Variants in CAMK4 observed in about 807,000 individuals in gnomAD.
The protein encoded by CAMK4 is calcium/calmodulin-dependent protein kinase type IV.
CAMK4 carries 22 observed loss-of-function variants against 44.9 expected under a neutral mutation model. The ratio of observed to expected loss-of-function variants is 0.49; its 90% CI spans 0.35 to 0.70. CAMK4 has a LOEUF of 0.70. CAMK4 is among the 30% of genes least tolerant of loss of function. The probability of loss-of-function intolerance (pLI) is 0.01; values close to 1 mark genes in which losing one functional copy is unlikely to be tolerated. For missense variants in CAMK4, 498 were observed against 586.8 expected, an observed-to-expected ratio of 0.85 and a Z score of 1.56; for synonymous variants, 218 against 215.4, an observed-to-expected ratio of 1.01 and a Z score of -0.11.
At chr5:111,417,502 C>G (rs996667560) in intron 5 of CAMK4, among the ~76,000 whole-genome samples, 1 of 151,830 alleles carries the variant, frequency 6.6e-6, no homozygotes, top group African/African-American at 2.4e-5. Flanking sequence ...AGGCATGAGT[C>G]ACTGTGTCTG....
rs1035187786 is a variant in CAMK4 at position 111,489,357 on chromosome 5, T to G, written c.*4891T>G. 2 of 152,174 alleles carry G rather than the reference T, an allele frequency of 1.3e-5. No homozygotes were observed. The highest frequency in any genetic ancestry group is 1.3e-4 in the Admixed American group (2 of 15,274). 9.4% of individuals were successfully genotyped at this position (152,174 alleles called of 1,614,324 possible). A position where few individuals can be genotyped will look rare whatever the true frequency, so the allele number is the denominator to read the frequency against. On this transcript the variant is annotated 3_prime_UTR_variant, in exon 11 of 11. Coordinates refer to ENST00000282356, the MANE Select transcript of CAMK4 (RefSeq NM_001744.6). ...TTTGACCAATATATTAAGAGCAAAT[T>G]TTGTCATTATTACTCCTTGTGGCTA...
intron 2 of CAMK4, among the ~76,000 whole-genome samples, chr5:111,347,202 T>C (rs1749907431): frequency 6.6e-6 from 1 of 151,996 alleles, no homozygotes. Context: ...CCTTTGGGCA[T>C]GACTCTACAG....
At chr5:111,464,663 T>C (rs1420939520) in intron 7 of CAMK4, among the ~76,000 whole-genome samples, 1 of 152,214 alleles carries the variant, frequency 6.6e-6, no homozygotes, top group Non-Finnish European at 1.5e-5. Flanking sequence ...TAAAAGACTG[T>C]ATCTAAACTC....
intron 1 of CAMK4, among the ~76,000 whole-genome samples, chr5:111,272,226 T>C (rs1186279259): frequency 1.3e-5 from 2 of 152,044 alleles, no homozygotes; most frequent in African/African-American, 4.8e-5. Context: ...ATTTCTCGGG[T>C]TTAATTCTGC....
chr5:111,271,389 A>G (rs997038006), intron 1 of CAMK4, among the ~76,000 whole-genome samples: 8 of 152,196 alleles, frequency 5.3e-5, no homozygotes, highest in African/African-American at 1.7e-4. Context: ...TGTGAGAGTA[A>G]ATCACTTGAT....
At chr5:111,374,547 G>A (rs920139285) in intron 2 of CAMK4, among the ~76,000 whole-genome samples, 1 of 152,106 alleles carries the variant, frequency 6.6e-6, no homozygotes, top group East Asian at 1.9e-4. Flanking sequence ...AAGAAGGATA[G>A]GTTGAAATGA....
At chr5:111,424,810 C>G (rs574558731) in intron 5 of CAMK4, among the ~76,000 whole-genome samples, 3 of 152,102 alleles carry the variant, frequency 2.0e-5, no homozygotes, top group African/African-American at 4.8e-5. Flanking sequence ...AGGCACAACT[C>G]TTCCAGGTGT....
intron 4 of CAMK4, among the ~76,000 whole-genome samples, chr5:111,389,875 A>T (rs1284168693): frequency 6.6e-6 from 1 of 151,652 alleles, no homozygotes; most frequent in Non-Finnish European, 1.5e-5. Context: ...TTTGTGCTGG[A>T]TGATAGAGAT....
intron 1 of CAMK4, among the ~76,000 whole-genome samples, chr5:111,311,011 A>C (rs767884994): frequency 6.6e-6 from 1 of 152,166 alleles, no homozygotes; most frequent in Non-Finnish European, 1.5e-5. Context: ...ATAAAAATTC[A>C]AAATAAAATA....
intron 7 of CAMK4, among the ~76,000 whole-genome samples, chr5:111,462,938 A>G (rs1187139701): frequency 6.6e-6 from 1 of 152,218 alleles, no homozygotes; most frequent in East Asian, 1.9e-4. Flanking sequence ...CCTAGATGGT[A>G]TGTTAATGAA....
intron 5 of CAMK4, among the ~76,000 whole-genome samples, chr5:111,409,484 C>G (rs1580714327): frequency 6.6e-6 from 1 of 152,246 alleles, no homozygotes; most frequent in Non-Finnish European, 1.5e-5. Context: ...CCCTCCAAGG[C>G]CTCCAGGCCT....
intron 6 of CAMK4, among the ~76,000 whole-genome samples, chr5:111,448,657 T>A (rs559184663): frequency 2.8e-4 from 43 of 152,120 alleles, no homozygotes; most frequent in African/African-American, 1.0e-3. Context: ...TACAAAAAAA[T>A]TAGCCGGGTG....
intron 7 of CAMK4, among the ~76,000 whole-genome samples, chr5:111,459,533 G>A (rs2112998261): frequency 6.6e-6 from 1 of 152,242 alleles, no homozygotes; most frequent in Non-Finnish European, 1.5e-5. Context: ...CTCTATACAT[G>A]TAAACTAAGT....
intron 1 of CAMK4, among the ~76,000 whole-genome samples, chr5:111,225,265 C>T (rs937653009): frequency 1.7e-4 from 26 of 152,144 alleles, no homozygotes; most frequent in Non-Finnish European, 2.4e-4. Flanking sequence ...AGTGAGAATG[C>T]TGCTGCTTCC....
At chr5:111,387,896 T>A (rs1751661883) in intron 4 of CAMK4, among the ~76,000 whole-genome samples, 1 of 152,224 alleles carries the variant, frequency 6.6e-6, no homozygotes, top group East Asian at 1.9e-4. Flanking sequence ...CATTTTCCTT[T>A]GCTTGGTCAC....
At chr5:111,387,321 A>G (rs1751639152) in intron 4 of CAMK4, among the ~76,000 whole-genome samples, 1 of 152,180 alleles carries the variant, frequency 6.6e-6, no homozygotes, top group South Asian at 2.1e-4. Context: ...TTCATTGGCA[A>G]ATTTTTTGAG....
At chr5:111,401,320 G>A (rs1246556951) in intron 5 of CAMK4, among the ~76,000 whole-genome samples, 1 of 152,130 alleles carries the variant, frequency 6.6e-6, no homozygotes, top group Non-Finnish European at 1.5e-5. Flanking sequence ...TGTATTTTTA[G>A]TAGAGACAGG....
At chr5:111,323,046 C>G (rs1214888747) in intron 1 of CAMK4, among the ~76,000 whole-genome samples, 1 of 151,962 alleles carries the variant, frequency 6.6e-6, no homozygotes, top group African/African-American at 2.4e-5. Flanking sequence ...ATATATGTCT[C>G]AGAGGGAGTG....
At chr5:111,275,125 T>G (rs1471137837) in intron 1 of CAMK4, among the ~76,000 whole-genome samples, 15 of 152,190 alleles carry the variant, frequency 9.9e-5, no homozygotes, top group Admixed American at 9.8e-4. Context: ...TATCAGTTCT[T>G]TCTTGTGAGA....
Sources: allele counts gnomAD v4.1 joint callset (sites outside exome capture counted in the v4.1 genomes callset), GRCh38; gene constraint gnomAD v4.1.1; transcripts MANE v1.5; gene names NCBI Gene and HGNC (gene_info 2026-07-23, HGNC 2026-07-21).